Variants in PCDHA7 observed in about 807,000 individuals in gnomAD.
The protein encoded by PCDHA7 is protocadherin alpha 7, also known as protocadherin alpha-7.
In PCDHA7, 37 loss-of-function variants were observed where a neutral mutation model predicts 57.2. The observed-to-expected ratio is 0.65, with a 90% confidence interval of 0.50 to 0.85. The LOEUF is 0.85. Among genes scored for constraint, PCDHA7 ranks in the 40% least tolerant of loss-of-function variants. The pLI is 0.00. For missense variants in PCDHA7, 1,188 were observed against 1,241.8 expected (o/e 0.96, Z 0.65); for synonymous variants, 553 against 558.8 (o/e 0.99, Z 0.15).
At chr5:140,886,515 G>C (rs1554182564) in intron 1 of PCDHA7, among the ~76,000 whole-genome samples, 1 of 151,972 alleles carries the variant, frequency 6.6e-6, no homozygotes, top group East Asian at 1.9e-4. Context: ...TGGATTTTAA[G>C]GTCTGCATAT....
At chr5:140,950,159 T>C (rs983239055) in intron 1 of PCDHA7, among the ~76,000 whole-genome samples, 3 of 151,972 alleles carry the variant, frequency 2.0e-5, no homozygotes, top group Non-Finnish European at 4.4e-5. Flanking sequence ...AAGCAGTTAT[T>C]ATGTACTTTA....
At chr5:140,993,777 G>A (rs1397168086) in intron 3 of PCDHA7, among the ~76,000 whole-genome samples, 1 of 152,042 alleles carries the variant, frequency 6.6e-6, no homozygotes, top group Non-Finnish European at 1.5e-5. Flanking sequence ...GCAGTATTTT[G>A]TACAGTAACA....
chr5:140,974,255 C>T (rs1049283311), intron 1 of PCDHA7, among the ~76,000 whole-genome samples: 1 of 152,186 alleles, frequency 6.6e-6, no homozygotes, highest in African/African-American at 2.4e-5. Flanking sequence ...CCATCAGTTC[C>T]TTTCTGGCCT....
chr5:140,956,194 A>G (rs1370463281), intron 1 of PCDHA7, among the ~76,000 whole-genome samples: 1 of 152,060 alleles, frequency 6.6e-6, no homozygotes, highest in Non-Finnish European at 1.5e-5. Flanking sequence ...GCTGAATAGG[A>G]GTGGTGAAAG....
intron 3 of PCDHA7, among the ~76,000 whole-genome samples, chr5:140,999,225 G>C (rs543011633): frequency 1.3e-5 from 2 of 152,222 alleles, no homozygotes; most frequent in Non-Finnish European, 2.9e-5. Context: ...CTACATTTGA[G>C]AATAGGTGGT....
chr5:140,989,685 A>G (rs1393246206), intron 3 of PCDHA7, among the ~76,000 whole-genome samples: 2 of 152,186 alleles, frequency 1.3e-5, no homozygotes, highest in Non-Finnish European at 2.9e-5. Context: ...TTTCAAAGGA[A>G]CGTGAAAATT....
At chr5:140,883,477 C>T (rs2059632046) in intron 1 of PCDHA7, 2 of 1,614,054 alleles carry the variant, frequency 1.2e-6, no homozygotes, top group Non-Finnish European at 1.7e-6. Flanking sequence ...CCTACAAGAA[C>T]TACTACTCAT....
intron 1 of PCDHA7, chr5:140,863,268 G>A: frequency 6.9e-7 from 1 of 1,459,352 alleles, no homozygotes; most frequent in Non-Finnish European, 9.3e-7. Context: ...GGGAGGCAGC[G>A]CTGGTGGATG....
intron 1 of PCDHA7, chr5:140,852,582 ATTT>A: frequency 7.2e-6 from 5 of 693,510 alleles, no homozygotes; most frequent in Non-Finnish European, 8.9e-6. Context: ...AGGCTTTTTT[ATTT>A]TTTTTTTTTG....
chr5:140,853,989 C>T (rs2042932367), intron 1 of PCDHA7: 1 of 494,686 alleles, frequency 2.0e-6, no homozygotes, highest in Non-Finnish European at 2.7e-6. Context: ...TGTAGTGAGA[C>T]TCATCTCTGC....
intron 1 of PCDHA7, among the ~76,000 whole-genome samples, chr5:140,886,020 A>G (rs1402901328): frequency 2.0e-5 from 3 of 152,182 alleles, no homozygotes; most frequent in African/African-American, 7.2e-5. Flanking sequence ...GATGCTATGT[A>G]TTCTTCACTA....
intron 1 of PCDHA7, among the ~76,000 whole-genome samples, chr5:140,943,822 A>T (rs2093570990): frequency 6.6e-6 from 1 of 152,220 alleles, no homozygotes; most frequent in Non-Finnish European, 1.5e-5. Context: ...GAAGAAAATG[A>T]GTTGATTGAA....
intron 1 of PCDHA7, chr5:140,876,925 CAGA>C: frequency 6.2e-7 from 1 of 1,613,838 alleles, no homozygotes; most frequent in Non-Finnish European, 8.5e-7. Context: ...CGCGGACGCG[CAGA>C]AGAACGCGCT....
Position 140,836,159 on chromosome 5 carries a change from G to C in PCDHA7, c.1776G>C (p.Ala592=). The change falls in exon 1 of 4, where the codon GCG becomes GCC. Residue 592 remains alanine, a synonymous_variant. Transcript: ENST00000525929. ...PRSVGAGHVV[A]KVRAVDADSG... ...CTGTGGGCGCGGGCCATGTGGTGGC[G>C]AAGGTACGTGCAGTTGACGCTGACT... 6.2e-7 allele frequency: 1 copy of C among 1,613,838 alleles called. No individual in the cohort carries two copies. Among genetic ancestry groups the C allele is most frequent in the Non-Finnish European group, 8.5e-7 (1 of 1,179,802 alleles).
At chr5:140,866,322 C>G (rs1235184378) in intron 1 of PCDHA7, 1 of 152,052 alleles carries the variant, frequency 6.6e-6, no homozygotes, top group Non-Finnish European at 1.5e-5. Context: ...TTCAGGGACC[C>G]TGAACTTGGC....
chr5:140,876,715 C>A (rs570565884), intron 1 of PCDHA7: 7 of 1,614,232 alleles, frequency 4.3e-6, no homozygotes, highest in East Asian at 2.2e-5. Context: ...CGCCCTGGAC[C>A]GCGAGAGCGT....
chr5:140,992,757 G>A (rs1345373474), intron 3 of PCDHA7, among the ~76,000 whole-genome samples: 2 of 152,110 alleles, frequency 1.3e-5, no homozygotes, highest in Non-Finnish European at 2.9e-5. Context: ...CCTGTGTTGG[G>A]GATAGGAGGG....
chr5:140,884,160 T>G lies in PCDHA7; in HGVS notation c.2355+47422T>G. 2 of 1,613,366 alleles carry G rather than the reference T, an allele frequency of 1.2e-6. No homozygotes were observed. The highest frequency in any genetic ancestry group is 1.7e-6 in the Non-Finnish European group (2 of 1,179,734). Reference sequence around the variant, plus strand: ...CGCGTGGGGCTGTACACTGGCGAGATCAGCACGACGCGCCCTCTGGACGAG... The same window carrying G: ...CGCGTGGGGCTGTACACTGGCGAGAGCAGCACGACGCGCCCTCTGGACGAG... On this transcript the variant is annotated intron_variant, in intron 1 of 3. Coordinates refer to ENST00000525929, the MANE Select transcript of PCDHA7 (RefSeq NM_018910.3).
chr5:140,875,537 C>A, intron 1 of PCDHA7: 1 of 1,614,130 alleles, frequency 6.2e-7, no homozygotes, highest in South Asian at 1.1e-5. Context: ...CTGCTCCTTG[C>A]AGCCTGGGAG....
Sources: allele counts gnomAD v4.1 joint callset (sites outside exome capture counted in the v4.1 genomes callset), GRCh38; gene constraint gnomAD v4.1.1; transcripts MANE v1.5; gene names NCBI Gene and HGNC (gene_info 2026-07-23, HGNC 2026-07-21).